Variants in TRIP12 observed in about 807,000 individuals in gnomAD.
The protein encoded by TRIP12 is thyroid hormone receptor interactor 12.
TRIP12 carries 25 observed loss-of-function variants against 244.2 expected under a neutral mutation model. The ratio of observed to expected loss-of-function variants is 0.10; its 90% CI spans 0.07 to 0.14. TRIP12 has a LOEUF of 0.14. TRIP12 is among the 10% of genes least tolerant of loss of function. The pLI is 1.00. For missense variants in TRIP12, 1,677 were observed against 2,486.4 expected, an observed-to-expected ratio of 0.67 and a Z score of 6.92; for synonymous variants, 905 against 873.1, an observed-to-expected ratio of 1.04 and a Z score of -0.64.
intron 2 of TRIP12, among the ~76,000 whole-genome samples, chr2:229,867,566 C>G (rs939987255): frequency 6.6e-6 from 1 of 152,052 alleles, no homozygotes; most frequent in African/African-American, 2.4e-5. Context: ...CTTTTTCTCT[C>G]TGTATTACAA....
intron 1 of TRIP12, among the ~76,000 whole-genome samples, chr2:229,915,207 T>C (rs1376269555): frequency 6.6e-6 from 1 of 151,978 alleles, no homozygotes; most frequent in Non-Finnish European, 1.5e-5. Flanking sequence ...GAGCCAAGAT[T>C]GCGCCACTGC....
intron 4 of TRIP12, among the ~76,000 whole-genome samples, chr2:229,850,893 C>T (rs2058550405): frequency 6.6e-6 from 1 of 152,182 alleles, no homozygotes; most frequent in Admixed American, 6.5e-5. Flanking sequence ...CTGGGTCCCC[C>T]AGCAGTGCCA....
At chr2:229,852,814 C>CAAT (rs1442922803) in intron 4 of TRIP12, among the ~76,000 whole-genome samples, 1 of 152,192 alleles carries the variant, frequency 6.6e-6, no homozygotes, top group Admixed American at 6.5e-5. Context: ...CTAAGCAGCA[C>CAAT]AATAACAAGG....
intron 1 of TRIP12, among the ~76,000 whole-genome samples, chr2:229,913,047 G>C (rs993073703): frequency 3.3e-5 from 5 of 152,128 alleles, no homozygotes; most frequent in Admixed American, 2.6e-4. Flanking sequence ...ATGATGTCTT[G>C]CTGTGTTGCC....
chr2:229,854,685 T>C (rs1022009755), intron 4 of TRIP12, among the ~76,000 whole-genome samples: 3 of 152,200 alleles, frequency 2.0e-5, no homozygotes, highest in Non-Finnish European at 4.4e-5. Context: ...CCTATATCCT[T>C]AAGAAACATT....
At chr2:229,897,029 G>A (rs2069029187) in intron 1 of TRIP12, among the ~76,000 whole-genome samples, 1 of 152,156 alleles carries the variant, frequency 6.6e-6, no homozygotes, top group South Asian at 2.1e-4. Flanking sequence ...ACTTCGGTGG[G>A]GGATGTTGAT....
intron 13 of TRIP12, among the ~76,000 whole-genome samples, chr2:229,813,485 T>C (rs922135329): frequency 1.3e-5 from 2 of 152,124 alleles, no homozygotes; most frequent in African/African-American, 4.8e-5. Flanking sequence ...CTAATTGAAA[T>C]TGTCATTTAA....
chr2:229,843,068 CA>C lies in TRIP12; in HGVS notation c.1028-2142del, dbSNP rs1466726087. On this transcript the variant is annotated intron_variant, in intron 4 of 41. Coordinates refer to ENST00000675903, the MANE Select transcript of TRIP12 (RefSeq NM_001348323.3). ...TCTCTCTTTCTCTCTCTCTCTCCCC[CA>C]CTCCTTCCCTCCCTCCCTCCTTCTC... is the stretch of plus-strand genomic sequence containing the variant. Among the ~76,000 whole-genome samples, 471 of 129,618 alleles carry C rather than the reference CA, an allele frequency of 3.6e-3. 3 individuals carry two copies. The highest frequency in any genetic ancestry group is 0.012 in the African/African-American group (438 of 36,126). The allele number at this position is 129,618 out of a possible 152,430, so 85.0% of individuals were successfully genotyped here. A position where few individuals can be genotyped will look rare whatever the true frequency, so the allele number is the denominator to read the frequency against.
intron 2 of TRIP12, among the ~76,000 whole-genome samples, chr2:229,865,206 G>C (rs2061290470): frequency 6.6e-6 from 1 of 151,558 alleles, no homozygotes; most frequent in Non-Finnish European, 1.5e-5. Context: ...TAGCTACTCG[G>C]GAAGCTGGGG....
At chr2:229,855,831 C>T (rs995180044) in intron 4 of TRIP12, among the ~76,000 whole-genome samples, 14 of 151,898 alleles carry the variant, frequency 9.2e-5, no homozygotes, top group African/African-American at 3.4e-4. Context: ...CACCTGAAGT[C>T]GGGAGTTCGA....
At chr2:229,825,242 T>C (rs764073591) in intron 8 of TRIP12, among the ~76,000 whole-genome samples, 1 of 152,188 alleles carries the variant, frequency 6.6e-6, no homozygotes, top group South Asian at 2.1e-4. Context: ...ATAACATCAA[T>C]GAAGTTAAAT....
intron 5 of TRIP12, among the ~76,000 whole-genome samples, chr2:229,837,280 T>C (rs544032292): frequency 6.6e-6 from 1 of 152,334 alleles, no homozygotes; most frequent in East Asian, 1.9e-4. Flanking sequence ...TGACTCTTTC[T>C]GCAGAGAAAA....
intron 1 of TRIP12, among the ~76,000 whole-genome samples, chr2:229,907,788 G>GAC (rs1366405397): frequency 6.6e-6 from 1 of 151,416 alleles, no homozygotes; most frequent in African/African-American, 2.4e-5. Flanking sequence ...AAACAACAGA[G>GAC]AGACCTTATC....
At chr2:229,809,077 T>C (rs1367745378) in intron 15 of TRIP12, among the ~76,000 whole-genome samples, 1 of 152,222 alleles carries the variant, frequency 6.6e-6, no homozygotes, top group African/African-American at 2.4e-5. Flanking sequence ...CCTGTAAATA[T>C]TATACATATG....
chr2:229,803,168 A>G (rs1316649022), intron 20 of TRIP12, among the ~76,000 whole-genome samples: 1 of 152,252 alleles, frequency 6.6e-6, no homozygotes, highest in Admixed American at 6.5e-5. Context: ...GGCTTCTATC[A>G]TTCTATCAGA....
chr2:229,773,677 T>C (rs1025399761), intron 38 of TRIP12: 2 of 158,800 alleles, frequency 1.3e-5, no homozygotes, highest in Admixed American at 1.2e-4. Flanking sequence ...CGTGAGCCAC[T>C]GCACCTCGCC....
intron 6 of TRIP12, among the ~76,000 whole-genome samples, chr2:229,832,452 G>A (rs954159489): frequency 2.6e-5 from 4 of 152,182 alleles, no homozygotes; most frequent in African/African-American, 4.8e-5. Context: ...AGATTAACCA[G>A]AAATACTGAA....
chr2:229,884,236 C>CTTTTTTTTTTTTTTTTTTTTTTTTTTTTT, intron 1 of TRIP12, among the ~76,000 whole-genome samples: 1 of 123,604 alleles, frequency 8.1e-6, no homozygotes, highest in Non-Finnish European at 1.6e-5. Flanking sequence ...TTTTTCTTTT[C>CTTTTTTTTTTTTTTTTTTTTTTTTTTTTT]TTTTTTTTTT....
At chr2:229,815,868 A>G (rs570558585) in intron 9 of TRIP12, among the ~76,000 whole-genome samples, 2 of 152,326 alleles carry the variant, frequency 1.3e-5, no homozygotes, top group African/African-American at 4.8e-5. Flanking sequence ...AATTAAAGCC[A>G]AATTAATATA....
Sources: allele counts gnomAD v4.1 joint callset (sites outside exome capture counted in the v4.1 genomes callset), GRCh38; gene constraint gnomAD v4.1.1; transcripts MANE v1.5; gene names NCBI Gene and HGNC (gene_info 2026-07-23, HGNC 2026-07-21).